The following ANO10 variants were observed in gnomAD, a reference collection of about 807,000 sequenced individuals.
The protein encoded by ANO10 is anoctamin 10.
ANO10 carries 77 observed loss-of-function variants against 74.7 expected under a neutral mutation model. The observed-to-expected ratio is 1.03, with a 90% CI of 0.86 to 1.25. The LOEUF (loss-of-function observed/expected upper bound fraction) is 1.25, where lower values mean the gene tolerates loss of function less well. Among genes scored for constraint, ANO10 ranks in the 50% most tolerant of loss-of-function variants. ANO10 has a pLI of 0.00. For synonymous variants in ANO10, 279 were observed against 284.9 expected (o/e 0.98, Z 0.21); for missense variants, 721 against 778.1 (o/e 0.93, Z 0.87).
intron 12 of ANO10, among the ~76,000 whole-genome samples, chr3:43,388,272 T>G (rs2092182195): frequency 6.6e-6 from 1 of 152,044 alleles, no homozygotes; most frequent in African/African-American, 2.4e-5. Flanking sequence ...GTGTCGGCAT[T>G]GGTGGGCTGA....
chr3:43,417,632 C>G (rs2092761440), intron 12 of ANO10, among the ~76,000 whole-genome samples: 1 of 152,038 alleles, frequency 6.6e-6, no homozygotes, highest in South Asian at 2.1e-4. Context: ...GACGACGAAC[C>G]CCAGGTATTT....
In ANO10 at chr3:43,677,051, A is replaced by G. The variant is rs184354874; in HGVS notation, c.-12+14466T>C. Reference sequence around the variant, plus strand: ...ATACAGGCACTACCATGTTCATCACAGCACTATTCACAATAGCAAAGACAC... The same window carrying G: ...ATACAGGCACTACCATGTTCATCACGGCACTATTCACAATAGCAAAGACAC... On this transcript the variant is annotated intron_variant, in intron 1 of 3. Transcript: ENST00000413397. Among the ~76,000 whole-genome samples the G allele has an allele frequency of 2.6e-4, 40 of 152,340 alleles. 1 individual carries two copies. In the East Asian group the frequency reaches 7.3e-3, roughly 28 times the overall value.
At chr3:43,556,962 T>C (rs576229987) in intron 9 of ANO10, among the ~76,000 whole-genome samples, 4 of 152,222 alleles carry the variant, frequency 2.6e-5, no homozygotes, top group Middle Eastern at 3.4e-3. Flanking sequence ...ACAAAATCTA[T>C]AGAAAATGTT....
chr3:43,601,562 G>A (rs559870443), intron 2 of ANO10, among the ~76,000 whole-genome samples: 3 of 152,234 alleles, frequency 2.0e-5, no homozygotes, highest in East Asian at 1.9e-4. Context: ...CAGGAATTAC[G>A]AAAATATTAA....
chr3:43,562,118 C>G (rs544300176), intron 8 of ANO10, among the ~76,000 whole-genome samples: 1 of 152,038 alleles, frequency 6.6e-6, no homozygotes, highest in Non-Finnish European at 1.5e-5. Flanking sequence ...TGCCTGTAAT[C>G]CCAGTACTTT....
intron 5 of ANO10, among the ~76,000 whole-genome samples, chr3:43,579,308 G>A (rs2081158989): frequency 6.6e-6 from 1 of 152,144 alleles, no homozygotes; most frequent in Admixed American, 6.6e-5. Context: ...AAGATGTTTG[G>A]CCTGCTAGTT....
intron 11 of ANO10, among the ~76,000 whole-genome samples, chr3:43,481,917 C>CT (rs202113435): frequency 2.5e-4 from 34 of 136,008 alleles, no homozygotes; most frequent in South Asian, 1.9e-3. Flanking sequence ...TGTCTTTTTT[C>CT]TTTTTTTTTC....
chr3:43,602,699 G>C (rs2082391251), intron 2 of ANO10, among the ~76,000 whole-genome samples: 1 of 152,176 alleles, frequency 6.6e-6, no homozygotes, highest in Non-Finnish European at 1.5e-5. Context: ...ATTTTTCTCA[G>C]ATGTTTGGTG....
chr3:43,385,914 T>TA (rs901516556), intron 12 of ANO10, among the ~76,000 whole-genome samples: 5 of 151,798 alleles, frequency 3.3e-5, no homozygotes, highest in South Asian at 2.1e-4. Context: ...CATATTGAAA[T>TA]AAAAAAAATT....
intron 1 of ANO10, among the ~76,000 whole-genome samples, chr3:43,652,051 G>T (rs1256003857): frequency 6.6e-6 from 1 of 150,778 alleles, no homozygotes; most frequent in Non-Finnish European, 1.5e-5. Flanking sequence ...ATTTAATATT[G>T]TCAAGATGGC....
intron 1 of ANO10, among the ~76,000 whole-genome samples, chr3:43,663,609 T>C (rs2083952435): frequency 6.6e-6 from 1 of 152,194 alleles, no homozygotes; most frequent in Non-Finnish European, 1.5e-5. Flanking sequence ...TGTCTCTGTT[T>C]GCAGATGACA....
intron 1 of ANO10, chr3:43,689,368 T>C (rs1215020336): frequency 6.6e-6 from 1 of 152,230 alleles, no homozygotes; most frequent in Admixed American, 6.5e-5. Flanking sequence ...ATAAATCACC[T>C]TTTGCTGACA....
intron 10 of ANO10, among the ~76,000 whole-genome samples, chr3:43,552,722 A>ATG (rs1341156245): frequency 0.012 from 1,194 of 100,348 alleles, 14 homozygotes; most frequent in African/African-American, 0.036. Flanking sequence ...ATATATATAT[A>ATG]TATATATGTA....
chr3:43,372,665 C>T (rs1355932042), intron 12 of ANO10: 6 of 572,996 alleles, frequency 1.0e-5, no homozygotes, highest in Admixed American at 2.7e-5. Flanking sequence ...GCACTCCTCG[C>T]ATTACCATCT....
chr3:43,472,633 C>T (rs1039534401), intron 11 of ANO10: 4 of 151,854 alleles, frequency 2.6e-5, no homozygotes, highest in African/African-American at 9.7e-5. Flanking sequence ...GGCATAACAA[C>T]CAAATGCAAT....
intron 9 of ANO10, among the ~76,000 whole-genome samples, chr3:43,558,098 CCT>C (rs2079847830): frequency 6.8e-6 from 1 of 147,272 alleles, no homozygotes; most frequent in Admixed American, 6.8e-5. Context: ...AAAGTGAGAC[CCT>C]GTCTCACCAG....
At position 43,432,944 on chromosome 3, in the gene ANO10, C is replaced by CTTTTTTTTTTTTTTTTTTTTTTTTTTT. The variant is rs5848663; in HGVS notation, c.1798-244_1798-218dup. Among the ~76,000 whole-genome samples, 7 of 55,284 alleles carry CTTTTTTTTTTTTTTTTTTTTTTTTTTT rather than the reference C, an allele frequency of 1.3e-4. 3 individuals are homozygous for CTTTTTTTTTTTTTTTTTTTTTTTTTTT. The highest frequency in any genetic ancestry group is 1.3e-4 in the Non-Finnish European group (4 of 30,054). 36.3% of individuals were successfully genotyped at this position (55,284 alleles called of 152,430 possible). Reference sequence around the variant, plus strand: ...CAGTAATTACTGACTTTGCTTAATTCTTTTTTTTTTTTTTTTTTTTTTTTT... The same window carrying CTTTTTTTTTTTTTTTTTTTTTTTTTTT: ...CAGTAATTACTGACTTTGCTTAATTCTTTTTTTTTTTTTTTTTTTTTTTTTTTTTTTTTTTTTTTTTTTTTTTTTTTT... On this transcript the variant is annotated intron_variant, in intron 11 of 12. Coordinates refer to ENST00000292246, the MANE Select transcript of ANO10 (RefSeq NM_018075.5).
intron 11 of ANO10, among the ~76,000 whole-genome samples, chr3:43,502,122 A>G (rs2077122461): frequency 6.6e-6 from 1 of 152,222 alleles, no homozygotes; most frequent in Non-Finnish European, 1.5e-5. Flanking sequence ...ATAATTAAAA[A>G]TAGAATTACC....
chr3:43,378,618 T>G (rs749255228), intron 12 of ANO10, among the ~76,000 whole-genome samples: 3 of 152,218 alleles, frequency 2.0e-5, no homozygotes, highest in Non-Finnish European at 4.4e-5. Context: ...TTATGATTTT[T>G]AAAACTCTAT....
Sources: allele counts gnomAD v4.1 joint callset (sites outside exome capture counted in the v4.1 genomes callset), GRCh38; gene constraint gnomAD v4.1.1; transcripts MANE v1.5; gene names NCBI Gene and HGNC (gene_info 2026-07-23, HGNC 2026-07-21).